APBA2: variants seen among roughly 807,000 people sequenced by gnomAD.
The protein encoded by APBA2 is amyloid beta precursor protein binding family A member 2, also known as amyloid-beta A4 precursor protein-binding family A member 2.
In APBA2, 30 loss-of-function variants were observed where a neutral mutation model predicts 75.0. The observed-to-expected ratio is 0.40, with a 90% confidence interval of 0.30 to 0.54. The LOEUF (loss-of-function observed/expected upper bound fraction) is 0.54, where lower values mean the gene tolerates loss of function less well. Ranked by LOEUF, APBA2 falls within the 20% of genes least tolerant of loss-of-function variation. The probability of loss-of-function intolerance (pLI) is 0.49; values close to 1 mark genes in which losing one functional copy is unlikely to be tolerated. For missense variants in APBA2, 801 were observed against 1,016.1 expected (o/e 0.79, Z 2.88); for synonymous variants, 444 against 409.6 (o/e 1.08, Z -1.01).
rs765084356 is a variant in APBA2 at position 28,908,315 on chromosome 15, G to GTTTTTTTTTTTTTTTTT, written c.-204-13312_-204-13311insTTTTTTTTTTTTTTTTT. Among the ~76,000 whole-genome samples, 20 of 137,594 alleles carry GTTTTTTTTTTTTTTTTT rather than the reference G, an allele frequency of 1.5e-4. 3 individuals carry two copies. Among genetic ancestry groups the GTTTTTTTTTTTTTTTTT allele is most frequent in the African/African-American group, 5.4e-4 (18 of 33,182 alleles). The allele number at this position is 137,594 out of a possible 152,430, so 90.3% of individuals were successfully genotyped here. The stretch of plus-strand genomic sequence containing the variant: ...TTGTTTTTGTTTGTTTTGTTTTCTT[G>GTTTTTTTTTTTTTTTTT]TTTTTTTTTTTTTGAGACAGAGTCT... On this transcript the variant is annotated intron_variant, in intron 1 of 14. Transcript: ENST00000683413.
intron 4 of APBA2, among the ~76,000 whole-genome samples, chr15:29,057,364 T>C (rs2041945321): frequency 6.6e-6 from 1 of 152,224 alleles, no homozygotes; most frequent in Admixed American, 6.5e-5. Context: ...CTTCTACTCA[T>C]TTTACAGCTT....
chr15:28,920,138 G>A (rs898669091), intron 1 of APBA2, among the ~76,000 whole-genome samples: 5 of 152,194 alleles, frequency 3.3e-5, no homozygotes, highest in East Asian at 1.9e-4. Flanking sequence ...AAGTGGTCAC[G>A]AATGATTGTG....
At chr15:29,019,698 G>A (rs753453136) in intron 3 of APBA2, among the ~76,000 whole-genome samples, 47 of 152,346 alleles carry the variant, frequency 3.1e-4, no homozygotes, top group Non-Finnish European at 5.9e-4. Flanking sequence ...TTTAACTGCT[G>A]CAGAGGCTTC....
At chr15:28,963,889 A>ATG (rs927741852) in intron 2 of APBA2, among the ~76,000 whole-genome samples, 11 of 152,250 alleles carry the variant, frequency 7.2e-5, no homozygotes, top group East Asian at 3.9e-4. Context: ...GTTATAATGT[A>ATG]TGTATGTGTG....
At chr15:29,003,094 G>A (rs2038934862) in intron 3 of APBA2, among the ~76,000 whole-genome samples, 1 of 152,146 alleles carries the variant, frequency 6.6e-6, no homozygotes, top group African/African-American at 2.4e-5. Context: ...AGGCCAGCTT[G>A]ACCTGTGTAG....
chr15:28,944,011 C>T (rs891639472), intron 2 of APBA2, among the ~76,000 whole-genome samples: 5 of 152,146 alleles, frequency 3.3e-5, no homozygotes, highest in African/African-American at 1.2e-4. Flanking sequence ...AGCCTCCTGC[C>T]CTAAACCTTG....
chr15:28,896,781 A>G (rs1226718722), intron 1 of APBA2, among the ~76,000 whole-genome samples: 1 of 152,214 alleles, frequency 6.6e-6, no homozygotes, highest in Non-Finnish European at 1.5e-5. Context: ...GTAGAAATCC[A>G]AATAGAGTTT....
chr15:28,901,945 T>TGTGTGTGTG (rs546149569), intron 1 of APBA2, among the ~76,000 whole-genome samples: 423 of 140,584 alleles, frequency 3.0e-3, no homozygotes, highest in Middle Eastern at 7.4e-3. Context: ...TGTGTGTATG[T>TGTGTGTGTG]TGGGGGTCTG....
At chr15:28,979,230 C>G (rs987518682) in intron 2 of APBA2, among the ~76,000 whole-genome samples, 1 of 152,172 alleles carries the variant, frequency 6.6e-6, no homozygotes, top group African/African-American at 2.4e-5. Context: ...CTCTTTCTCT[C>G]GGGCCCTACC....
chr15:28,988,021 T>C (rs901412755), intron 2 of APBA2, among the ~76,000 whole-genome samples: 13 of 151,818 alleles, frequency 8.6e-5, no homozygotes, highest in African/African-American at 2.7e-4. Flanking sequence ...CCTCCCAAAG[T>C]GCTGGGATTA....
At chr15:29,024,205 T>C (rs1173052118) in intron 3 of APBA2, among the ~76,000 whole-genome samples, 1 of 152,086 alleles carries the variant, frequency 6.6e-6, no homozygotes, top group African/African-American at 2.4e-5. Context: ...TGCCCGGCCT[T>C]TTTTGCTGAA....
intron 2 of APBA2, among the ~76,000 whole-genome samples, chr15:28,945,952 G>A (rs1566828112): frequency 6.6e-6 from 1 of 152,228 alleles, no homozygotes; most frequent in Admixed American, 6.5e-5. Flanking sequence ...CGCCTCATAA[G>A]GCTGTTTGGT....
At chr15:29,104,441 C>T (rs1419359112) in intron 10 of APBA2, among the ~76,000 whole-genome samples, 1 of 152,272 alleles carries the variant, frequency 6.6e-6, no homozygotes, top group Admixed American at 6.5e-5. Flanking sequence ...TCACCTCCCA[C>T]TGTCTCCTGT....
At chr15:28,965,979 T>C (rs1208934739) in intron 2 of APBA2, among the ~76,000 whole-genome samples, 1 of 152,242 alleles carries the variant, frequency 6.6e-6, no homozygotes, top group Admixed American at 6.5e-5. Flanking sequence ...TAGAAGTGTG[T>C]TGGTTAATTT....
At chr15:29,053,305 C>T (rs2041695910) in intron 3 of APBA2, among the ~76,000 whole-genome samples, 1 of 152,166 alleles carries the variant, frequency 6.6e-6, no homozygotes, top group South Asian at 2.1e-4. Context: ...CCTGCGCATC[C>T]AGTTCCTCGG....
At chr15:29,091,862 G>A (rs2043589654) in intron 6 of APBA2, among the ~76,000 whole-genome samples, 1 of 152,196 alleles carries the variant, frequency 6.6e-6, no homozygotes, top group South Asian at 2.1e-4. Flanking sequence ...CAGGATGGCT[G>A]GGCCCGTGAT....
At chr15:29,021,229 T>TA (rs879484887) in intron 3 of APBA2, among the ~76,000 whole-genome samples, 173 of 151,304 alleles carry the variant, frequency 1.1e-3, no homozygotes, top group Non-Finnish European at 2.3e-3. Context: ...ATTTAAAAAA[T>TA]AAAAAAAAGA....
intron 1 of APBA2, among the ~76,000 whole-genome samples, chr15:28,914,663 GAA>G (rs1485320672): frequency 6.6e-6 from 1 of 152,000 alleles, no homozygotes; most frequent in Non-Finnish European, 1.5e-5. Context: ...CCCTGCCCAG[GAA>G]AAGTTACAGA....
chr15:28,960,855 G>A (rs1442190045), intron 2 of APBA2, among the ~76,000 whole-genome samples: 1 of 151,654 alleles, frequency 6.6e-6, no homozygotes, highest in East Asian at 1.9e-4. Context: ...CGCCTCCCAG[G>A]TTCAAATGAT....
Sources: allele counts gnomAD v4.1 joint callset (sites outside exome capture counted in the v4.1 genomes callset), GRCh38; gene constraint gnomAD v4.1.1; transcripts MANE v1.5; gene names NCBI Gene and HGNC (gene_info 2026-07-23, HGNC 2026-07-21).